Variants in SPIRE1 observed in about 807,000 individuals in gnomAD.
The protein encoded by SPIRE1 is spire type actin nucleation factor 1.
Under a neutral mutation model 94.1 loss-of-function variants are expected in SPIRE1, and 40 were observed. The observed-to-expected ratio is 0.43, with a 90% CI of 0.33 to 0.55. The LOEUF is 0.55. Ranked by LOEUF, SPIRE1 falls within the 20% of genes least tolerant of loss-of-function variation. The pLI, the probability that SPIRE1 is intolerant of heterozygous loss-of-function variation, is 0.06. For missense variants in SPIRE1, 838 were observed against 975.2 expected (o/e 0.86, Z 1.87); for synonymous variants, 376 against 371.7 (o/e 1.01, Z -0.13).
Position 12,449,725 on chromosome 18 carries a change from T to C in SPIRE1, c.2184A>G (p.Arg728=), listed in dbSNP as rs771927305. 1 of 1,614,108 alleles carries C rather than the reference T, an allele frequency of 6.2e-7. No individual in the cohort carries two copies. The highest frequency in any genetic ancestry group is 2.2e-5 in the East Asian group (1 of 44,872). Residue 728 remains arginine, a synonymous_variant, in exon 17 of 17, where the codon CGA becomes CGG. Transcript: ENST00000409402. Reference sequence around the variant, plus strand: ...AGAAAGACTGCGTTTTCCTTTTCAATCGGGCCCTTTTGTTGGCCAACACCA... The same window carrying C: ...AGAAAGACTGCGTTTTCCTTTTCAACCGGGCCCTTTTGTTGGCCAACACCA... ...RSLVLANKRA[R]LKRKTQSFYM...
intron 10 of SPIRE1, among the ~76,000 whole-genome samples, chr18:12,467,201 C>T (rs1198972576): frequency 1.3e-5 from 2 of 152,042 alleles, no homozygotes; most frequent in Non-Finnish European, 2.9e-5. Context: ...TCACTTGAAC[C>T]CGGGAGGTGG....
intron 2 of SPIRE1, among the ~76,000 whole-genome samples, chr18:12,607,629 AC>A (rs2037020728): frequency 6.6e-6 from 1 of 151,770 alleles, no homozygotes; most frequent in African/African-American, 2.4e-5. Context: ...ACACACACAC[AC>A]ACACACACAC....
At chr18:12,593,593 C>T (rs2036590544) in intron 2 of SPIRE1, among the ~76,000 whole-genome samples, 4 of 152,314 alleles carry the variant, frequency 2.6e-5, no homozygotes, top group South Asian at 2.1e-4. Flanking sequence ...GGAAATACAA[C>T]GGAAACAAGA....
At chr18:12,471,875 C>G (rs1384010691) in intron 10 of SPIRE1, among the ~76,000 whole-genome samples, 2 of 151,940 alleles carry the variant, frequency 1.3e-5, no homozygotes, top group Non-Finnish European at 2.9e-5. Context: ...ACCTCCGCCT[C>G]TGGAGTTCAA....
At chr18:12,518,816 T>C (rs902060097) in intron 4 of SPIRE1, among the ~76,000 whole-genome samples, 2 of 152,190 alleles carry the variant, frequency 1.3e-5, no homozygotes, top group African/African-American at 4.8e-5. Context: ...AAAAAATGAA[T>C]ATCAGCCACA....
chr18:12,600,070 C>T (rs577359996), intron 2 of SPIRE1, among the ~76,000 whole-genome samples: 25 of 147,170 alleles, frequency 1.7e-4, no homozygotes, highest in South Asian at 2.2e-4. Flanking sequence ...ATAGTCTCTA[C>T]GTGCTGAGGG....
intron 4 of SPIRE1, among the ~76,000 whole-genome samples, chr18:12,516,512 A>T (rs1050858119): frequency 6.6e-6 from 1 of 152,128 alleles, no homozygotes. Flanking sequence ...ACAGCCTTTG[A>T]GATTCTGGAT....
At chr18:12,463,701 A>G (rs961575475) in intron 11 of SPIRE1, among the ~76,000 whole-genome samples, 1 of 152,252 alleles carries the variant, frequency 6.6e-6, no homozygotes, top group Admixed American at 6.5e-5. Flanking sequence ...AGAAATAGCA[A>G]GAAAAAAGGA....
At chr18:12,601,449 C>T (rs151081777) in intron 2 of SPIRE1, among the ~76,000 whole-genome samples, 1 of 152,010 alleles carries the variant, frequency 6.6e-6, no homozygotes, top group African/African-American at 2.4e-5. Flanking sequence ...AAAAACAGAA[C>T]CAAACTGCTT....
chr18:12,622,483 C>T lies in SPIRE1; in HGVS notation c.372+12579G>A, dbSNP rs889219338. 4.4e-5 allele frequency among the ~76,000 whole-genome samples: 6 copies of T among 135,168 alleles called. No homozygotes were observed. The South Asian group carries it at 1.5e-3, about 33-fold the overall frequency. The allele number at this position is 135,168 out of a possible 152,430, so 88.7% of individuals were successfully genotyped here. A position where few individuals can be genotyped will look rare whatever the true frequency, so the allele number is the denominator to read the frequency against. ...TGTCGCCCAGGCTGGAGTGCAGTGG[C>T]GCGATCTTGGCTCACTGCAAGCTCC... is the stretch of plus-strand genomic sequence containing the variant. On this transcript the variant is annotated intron_variant, in intron 2 of 16. Coordinates refer to ENST00000409402, the MANE Select transcript of SPIRE1 (RefSeq NM_001128626.2).
At chr18:12,464,599 A>G (rs1202224823) in intron 11 of SPIRE1, among the ~76,000 whole-genome samples, 3 of 152,328 alleles carry the variant, frequency 2.0e-5, no homozygotes, top group East Asian at 3.9e-4. Context: ...AAAACAAAAC[A>G]AAACAGAACG....
intron 2 of SPIRE1, among the ~76,000 whole-genome samples, chr18:12,625,555 C>T (rs554403965): frequency 2.0e-5 from 3 of 152,306 alleles, no homozygotes; most frequent in Admixed American, 2.0e-4. Context: ...CTTGTTGTTT[C>T]TACAAGATAT....
chr18:12,632,161 T>A (rs2037799696), intron 2 of SPIRE1, among the ~76,000 whole-genome samples: 1 of 152,174 alleles, frequency 6.6e-6, no homozygotes, highest in African/African-American at 2.4e-5. Flanking sequence ...AGGCAAATGA[T>A]ATCCTAGTAG....
chr18:12,619,144 C>T (rs527373613), intron 2 of SPIRE1, among the ~76,000 whole-genome samples: 30 of 152,308 alleles, frequency 2.0e-4, no homozygotes, highest in African/African-American at 6.5e-4. Flanking sequence ...GATCCGCCCG[C>T]CACGGCCTCC....
At chr18:12,582,982 G>GC (rs1201874571) in intron 2 of SPIRE1, among the ~76,000 whole-genome samples, 8 of 152,138 alleles carry the variant, frequency 5.3e-5, no homozygotes, top group Non-Finnish European at 1.0e-4. Context: ...ACTGAAGAGT[G>GC]CAACTCCTAA....
At chr18:12,498,692 T>A (rs2033551419) in intron 6 of SPIRE1, among the ~76,000 whole-genome samples, 1 of 152,182 alleles carries the variant, frequency 6.6e-6, no homozygotes, top group African/African-American at 2.4e-5. Context: ...AGTGGCGTGA[T>A]CACAGCTCAC....
chr18:12,498,288 C>T (rs559072457), intron 6 of SPIRE1, among the ~76,000 whole-genome samples: 28 of 152,222 alleles, frequency 1.8e-4, no homozygotes, highest in African/African-American at 6.3e-4. Context: ...TAAACAAGCT[C>T]TCTGAAGCAA....
At chr18:12,533,813 G>C (rs746509338) in intron 4 of SPIRE1, among the ~76,000 whole-genome samples, 22 of 152,078 alleles carry the variant, frequency 1.4e-4, no homozygotes, top group Non-Finnish European at 2.9e-4. Flanking sequence ...GCCTTAAAAA[G>C]TAATCTTTTC....
chr18:12,653,862 C>G (rs144610839), intron 1 of SPIRE1, among the ~76,000 whole-genome samples: 3,050 of 151,992 alleles, frequency 0.02, 113 homozygotes, highest in African/African-American at 0.07. Context: ...AGGAGAATCT[C>G]TTGAACCCGG....
Sources: allele counts gnomAD v4.1 joint callset (sites outside exome capture counted in the v4.1 genomes callset), GRCh38; gene constraint gnomAD v4.1.1; transcripts MANE v1.5; gene names NCBI Gene and HGNC (gene_info 2026-07-23, HGNC 2026-07-21).